The following ESYT2 variants were observed in gnomAD, a reference collection of about 807,000 sequenced individuals.
ESYT2 encodes the protein extended synaptotagmin 2.
In ESYT2, 54 loss-of-function variants were observed where a neutral mutation model predicts 107.2. The ratio of observed to expected loss-of-function variants is 0.50; its 90% CI spans 0.40 to 0.63. ESYT2 has a LOEUF of 0.63. ESYT2 is among the 30% of genes least tolerant of loss of function. The pLI is 0.00. For synonymous variants in ESYT2, 491 were observed against 434.1 expected, an observed-to-expected ratio of 1.13 and a Z score of -1.63; for missense variants, 1,020 against 1,094.5, an observed-to-expected ratio of 0.93 and a Z score of 0.96.
intron 7 of ESYT2, 118 bp downstream of exon 7, chr7:158,773,223 A>T (rs1838436648): frequency 9.4e-7 from 1 of 1,067,328 alleles, no homozygotes; most frequent in African/African-American, 1.6e-5. Context: ...CCTGTGGAGA[A>T]GGCACCCATT....
chr7:158,775,619 A>AT (rs1292633081), intron 6 of ESYT2, among the ~76,000 whole-genome samples: 1 of 152,176 alleles, frequency 6.6e-6, no homozygotes, highest in Non-Finnish European at 1.5e-5. Context: ...GACTGCAGCA[A>AT]TTCAGCCCCC....
At chr7:158,747,836 T>C (rs1363429904) in intron 16 of ESYT2, among the ~76,000 whole-genome samples, 1 of 152,176 alleles carries the variant, frequency 6.6e-6, no homozygotes. Flanking sequence ...GATGAGCAAA[T>C]TGTGGTATAT....
Position 158,737,204 on chromosome 7 carries a change from G to T in ESYT2, c.2268-25C>A. 2 of 1,610,848 alleles carry T rather than the reference G, an allele frequency of 1.2e-6. No individual in the cohort carries two copies. Among genetic ancestry groups the T allele is most frequent in the South Asian group, 2.2e-5 (2 of 90,864 alleles). The stretch of plus-strand genomic sequence containing the variant: ...TCTTACAACACAAACCAGATAAGAC[G>T]AGGTATTAGGACCGAGAAAAAGAGA... On this transcript the variant is annotated intron_variant, in intron 19 of 22. Coordinates refer to ENST00000275418, the MANE Select transcript of ESYT2 (RefSeq NM_001367773.1).
At position 158,811,031 on chromosome 7, in the gene ESYT2, AAGCCTGTAATCCC is replaced by A. The variant is rs1422756030; in HGVS notation, c.331-11972_331-11960del. The stretch of plus-strand genomic sequence containing the variant: ...CAAAAGGGGTAAGGCGCAGTGGCTC[AAGCCTGTAATCCC>A]AGCACTCTGGGACGCCAAGGTGGGA... On this transcript the variant is annotated intron_variant, in intron 1 of 22. Coordinates refer to ENST00000275418, the MANE Select transcript of ESYT2 (RefSeq NM_001367773.1). 3.1e-5 allele frequency among the ~76,000 whole-genome samples: 4 copies of A among 130,764 alleles called. No homozygotes were observed. The East Asian group carries it at 1.7e-3, about 55-fold the overall frequency. 85.8% of individuals were successfully genotyped at this position (130,764 alleles called of 152,430 possible). A position where few individuals can be genotyped will look rare whatever the true frequency, so the allele number is the denominator to read the frequency against.
At chr7:158,743,269 T>C (rs1408372125) in intron 17 of ESYT2, among the ~76,000 whole-genome samples, 3 of 152,330 alleles carry the variant, frequency 2.0e-5, no homozygotes, top group Non-Finnish European at 2.9e-5. Context: ...AGGAAAGCAC[T>C]GTTTGAGTAG....
At chr7:158,787,263 A>C (rs1009336568) in intron 6 of ESYT2, among the ~76,000 whole-genome samples, 12 of 152,332 alleles carry the variant, frequency 7.9e-5, no homozygotes, top group Middle Eastern at 3.4e-3. Flanking sequence ...CCACATCCCT[A>C]ATCTAAAAAT....
intron 1 of ESYT2, among the ~76,000 whole-genome samples, chr7:158,803,439 C>T (rs1240339508): frequency 6.6e-6 from 1 of 152,186 alleles, no homozygotes; most frequent in Non-Finnish European, 1.5e-5. Flanking sequence ...TTTCTAGAAG[C>T]CTTTAGGCAA....
chr7:158,750,630 G>A (rs1431783326), intron 14 of ESYT2, among the ~76,000 whole-genome samples: 1 of 152,182 alleles, frequency 6.6e-6, no homozygotes, highest in Non-Finnish European at 1.5e-5. Flanking sequence ...TCTTTCTGAT[G>A]TGAATGAATT....
intron 16 of ESYT2, chr7:158,744,227 T>A (rs535356984): frequency 9.2e-5 from 14 of 152,360 alleles, no homozygotes; most frequent in African/African-American, 3.1e-4. Flanking sequence ...AAAACACTGT[T>A]AACAAGCAAA....
At chr7:158,752,081 T>C (rs1397536677) in intron 14 of ESYT2, among the ~76,000 whole-genome samples, 1 of 152,226 alleles carries the variant, frequency 6.6e-6, no homozygotes, top group East Asian at 1.9e-4. Context: ...CCTGTTTCTT[T>C]AGAATAGATA....
At position 158,759,244 on chromosome 7, in the gene ESYT2, T is replaced by C. The variant is rs549126498; in HGVS notation, c.1419+242A>G. ...AGAGTTAACCTCTTCTCCTAACCAC[T>C]ATTCATCTTCTTTTCCTATGTACTG... On this transcript the variant is annotated intron_variant, in intron 13 of 22. Transcript: ENST00000275418. 4.6e-5 allele frequency among the ~76,000 whole-genome samples: 7 copies of C among 152,370 alleles called. No individual in the cohort carries two copies. The South Asian group carries it at 1.4e-3, about 32-fold the overall frequency.
At chr7:158,747,066 C>T (rs1026928391) in intron 16 of ESYT2, among the ~76,000 whole-genome samples, 7 of 150,782 alleles carry the variant, frequency 4.6e-5, no homozygotes, top group South Asian at 2.1e-4. Flanking sequence ...AACAAAGAGG[C>T]GGGGTGCGTT....
chr7:158,817,534 A>G (rs1840178160), intron 1 of ESYT2, among the ~76,000 whole-genome samples: 4 of 152,256 alleles, frequency 2.6e-5, no homozygotes, highest in African/African-American at 4.8e-5. Flanking sequence ...TTCTGAACCA[A>G]TGTACCTGCT....
At chr7:158,743,934 C>G in intron 16 of ESYT2, 1 of 327,784 alleles carries the variant, frequency 3.1e-6, no homozygotes, top group Non-Finnish European at 5.6e-6. Context: ...ATTAGTTGGG[C>G]ATGGTGGCGC....
chr7:158,732,545 T>C lies in ESYT2; in HGVS notation c.*1662A>G, dbSNP rs1836784867. On this transcript the variant is annotated 3_prime_UTR_variant, in exon 23 of 23. Transcript: ENST00000275418. ...ACAGACTCCATTATAAGTAAACCCA[T>C]GGTTCAAAGTGTAAGTTATAAATTG... is the stretch of plus-strand genomic sequence containing the variant. 1 of 152,340 alleles carries C rather than the reference T, an allele frequency of 6.6e-6. No individual in the cohort carries two copies. The highest frequency in any genetic ancestry group is 2.1e-4 in the South Asian group (1 of 4,834). 9.4% of individuals were successfully genotyped at this position (152,340 alleles called of 1,614,324 possible). A position where few individuals can be genotyped will look rare whatever the true frequency, so the allele number is the denominator to read the frequency against.
At chr7:158,755,001 C>T (rs565262389) in intron 13 of ESYT2, among the ~76,000 whole-genome samples, 1 of 152,258 alleles carries the variant, frequency 6.6e-6, no homozygotes, top group Admixed American at 6.5e-5. Flanking sequence ...CAGAGGAAGT[C>T]CTTCTTGTTC....
At position 158,828,116 on chromosome 7, in the gene ESYT2, C is replaced by T. The variant is rs10281291; in HGVS notation, c.330+973G>A. Among the ~76,000 whole-genome samples, 386 of 150,124 alleles carry T rather than the reference C, an allele frequency of 2.6e-3. 2 individuals carry two copies. Among genetic ancestry groups the T allele is most frequent in the Middle Eastern group, 0.01 (3 of 292 alleles). ...AAAAATGCTCAGTCTCACAATTATA[C>T]TTGCAAAAAAACTGAAACAATCTTT... On this transcript the variant is annotated intron_variant, in intron 1 of 22. Transcript: ENST00000275418.
At chr7:158,750,220 A>G (rs1837536944) in intron 14 of ESYT2, among the ~76,000 whole-genome samples, 1 of 152,082 alleles carries the variant, frequency 6.6e-6, no homozygotes, top group Non-Finnish European at 1.5e-5. Flanking sequence ...TTCACATATC[A>G]AATCTTGCTT....
chr7:158,792,341 T>C (rs1406285400), intron 4 of ESYT2, among the ~76,000 whole-genome samples: 2 of 148,724 alleles, frequency 1.3e-5, no homozygotes, highest in Non-Finnish European at 3.0e-5. Flanking sequence ...CTGAGAAACA[T>C]GGTGAAACCC....
Sources: gnomAD v4.1 joint callset for allele counts (sites outside exome capture counted in the v4.1 genomes callset) on GRCh38, gnomAD v4.1.1 for gene constraint, MANE v1.5 for transcripts, NCBI Gene and HGNC (gene_info 2026-07-23, HGNC 2026-07-21) for gene names.